Variants in C1orf21 observed in about 807,000 individuals in gnomAD.
C1orf21 encodes the protein uncharacterized protein C1orf21.
Under a neutral mutation model 18.7 loss-of-function variants are expected in C1orf21, and 3 were observed. That is an observed-to-expected ratio of 0.16 (90% confidence interval 0.07 to 0.42). The LOEUF (loss-of-function observed/expected upper bound fraction) is 0.42, where lower values mean the gene tolerates loss of function less well. Among genes scored for constraint, C1orf21 ranks in the 10% least tolerant of loss-of-function variants. C1orf21 has a pLI of 0.99. For missense variants in C1orf21, 104 were observed against 143.6 expected (o/e 0.72, Z 1.41); for synonymous variants, 41 against 46.4 (o/e 0.88, Z 0.47).
At position 184,430,740 on chromosome 1, in the gene C1orf21, A is replaced by G. The variant is rs141767081; in HGVS notation, c.-125+43372A>G. 7.6e-3 allele frequency among the ~76,000 whole-genome samples: 1,158 copies of G among 152,304 alleles called. 12 individuals are homozygous for G. Among genetic ancestry groups the G allele is most frequent in the Non-Finnish European group, 0.011 (736 of 68,024 alleles). The stretch of plus-strand genomic sequence containing the variant: ...TTAGCCTTGGAATATTTATAACTAT[A>G]TCCATTCATCATTCCTTCTTTTAAG... On this transcript the variant is annotated intron_variant, in intron 1 of 5. Transcript: ENST00000235307.
intron 3 of C1orf21, among the ~76,000 whole-genome samples, chr1:184,528,819 A>G (rs1283897699): frequency 6.6e-6 from 1 of 152,188 alleles, no homozygotes; most frequent in East Asian, 1.9e-4. Context: ...GCTGTTGGGT[A>G]TTAGTCTATT....
At chr1:184,548,454 G>A (rs1402973581) in intron 3 of C1orf21, among the ~76,000 whole-genome samples, 2 of 125,526 alleles carry the variant, frequency 1.6e-5, no homozygotes, top group Non-Finnish European at 3.1e-5. Flanking sequence ...TCCCTCTGTC[G>A]CCCAGGCTGG....
At chr1:184,445,814 A>T (rs7522628) in intron 1 of C1orf21, among the ~76,000 whole-genome samples, 24,391 of 152,130 alleles carry the variant, frequency 0.16, 1,988 homozygotes, top group Middle Eastern at 0.22. Flanking sequence ...TTACATAGGG[A>T]TAATGGTGAA....
chr1:184,614,241 G>A (rs1659783786), intron 5 of C1orf21, among the ~76,000 whole-genome samples: 1 of 152,168 alleles, frequency 6.6e-6, no homozygotes, highest in South Asian at 2.1e-4. Context: ...GCCTAGCTTT[G>A]CTAAACACTT....
chr1:184,492,702 A>G (rs1473518315), intron 2 of C1orf21, among the ~76,000 whole-genome samples: 1 of 152,166 alleles, frequency 6.6e-6, no homozygotes, highest in East Asian at 1.9e-4. Context: ...TTGTAAATTT[A>G]TCTTTCATCC....
intron 3 of C1orf21, among the ~76,000 whole-genome samples, chr1:184,513,601 G>A (rs543676463): frequency 7.1e-4 from 108 of 152,352 alleles, no homozygotes; most frequent in African/African-American, 2.6e-3. Flanking sequence ...TGGCTGGTAG[G>A]CTATTCACTA....
intron 2 of C1orf21, among the ~76,000 whole-genome samples, chr1:184,497,828 A>G (rs1557987033): frequency 6.6e-6 from 1 of 152,160 alleles, no homozygotes; most frequent in Non-Finnish European, 1.5e-5. Context: ...GAAGCACCAA[A>G]TATCACTGAA....
chr1:184,549,640 G>A (rs982142519), intron 3 of C1orf21, among the ~76,000 whole-genome samples: 2 of 150,408 alleles, frequency 1.3e-5, no homozygotes, highest in African/African-American at 4.9e-5. Context: ...TTGTTTTTGT[G>A]ATGTGTAAAA....
intron 1 of C1orf21, among the ~76,000 whole-genome samples, chr1:184,433,009 A>G (rs1375213539): frequency 2.0e-5 from 3 of 152,252 alleles, no homozygotes; most frequent in Non-Finnish European, 4.4e-5. Context: ...CCCAAGAGGT[A>G]CATGCTACAG....
intron 1 of C1orf21, among the ~76,000 whole-genome samples, chr1:184,471,214 A>G (rs1415198101): frequency 6.6e-6 from 1 of 152,182 alleles, no homozygotes; most frequent in Non-Finnish European, 1.5e-5. Flanking sequence ...GTTAAAATTA[A>G]TTTCATTCAT....
chr1:184,499,596 G>T (rs138369811), intron 2 of C1orf21, among the ~76,000 whole-genome samples: 1 of 152,062 alleles, frequency 6.6e-6, no homozygotes, highest in African/African-American at 2.4e-5. Flanking sequence ...ATTTGGAAAT[G>T]TGTCCACATT....
intron 1 of C1orf21, among the ~76,000 whole-genome samples, chr1:184,465,445 G>C (rs1435401325): frequency 1.3e-5 from 2 of 152,006 alleles, no homozygotes; most frequent in African/African-American, 4.8e-5. Flanking sequence ...GAGATTTTGG[G>C]GCTTGGTCCA....
intron 3 of C1orf21, among the ~76,000 whole-genome samples, chr1:184,585,175 T>G (rs191993259): frequency 4.7e-4 from 72 of 152,314 alleles, no homozygotes; most frequent in Admixed American, 8.5e-4. Flanking sequence ...AGAGGCACTA[T>G]GGTCAAAGTG....
At chr1:184,536,167 G>T (rs189932505) in intron 3 of C1orf21, among the ~76,000 whole-genome samples, 3 of 152,142 alleles carry the variant, frequency 2.0e-5, no homozygotes, top group Non-Finnish European at 4.4e-5. Context: ...AATCTCTTTG[G>T]CCTCAGTTTC....
chr1:184,511,450 C>A (rs1236009475), intron 3 of C1orf21, among the ~76,000 whole-genome samples: 1 of 152,132 alleles, frequency 6.6e-6, no homozygotes, highest in Non-Finnish European at 1.5e-5. Flanking sequence ...GCTTTAGGAA[C>A]TTGTAGAACA....
At chr1:184,419,732 T>C (rs1571349405) in intron 1 of C1orf21, among the ~76,000 whole-genome samples, 1 of 152,080 alleles carries the variant, frequency 6.6e-6, no homozygotes, top group South Asian at 2.1e-4. Flanking sequence ...TTGAAGGTGC[T>C]TGAGTTAGCC....
intron 3 of C1orf21, among the ~76,000 whole-genome samples, chr1:184,571,485 C>T (rs1006891390): frequency 6.6e-6 from 1 of 152,122 alleles, no homozygotes; most frequent in African/African-American, 2.4e-5. Flanking sequence ...CTTGAATGAC[C>T]GTTTAGAAGA....
chr1:184,560,785 T>G (rs1658953066), intron 3 of C1orf21, among the ~76,000 whole-genome samples: 1 of 152,224 alleles, frequency 6.6e-6, no homozygotes, highest in Non-Finnish European at 1.5e-5. Flanking sequence ...TATCTGTCCC[T>G]GGCAAAGATG....
chr1:184,553,137 C>T (rs954418116), intron 3 of C1orf21, among the ~76,000 whole-genome samples: 8 of 151,846 alleles, frequency 5.3e-5, no homozygotes, highest in South Asian at 2.1e-4. Context: ...AATCTGGGTA[C>T]GACTTGTCAC....
Sources: allele counts gnomAD v4.1 joint callset (sites outside exome capture counted in the v4.1 genomes callset), GRCh38; gene constraint gnomAD v4.1.1; transcripts MANE v1.5; gene names NCBI Gene and HGNC (gene_info 2026-07-23, HGNC 2026-07-21).